Variants in CCSER2 observed in about 807,000 individuals in gnomAD.
The protein encoded by CCSER2 is coiled-coil serine rich protein 2, also known as serine-rich coiled-coil domain-containing protein 2.
Under a neutral mutation model 92.3 loss-of-function variants are expected in CCSER2, and 46 were observed. That is an observed-to-expected ratio of 0.50 (90% confidence interval 0.39 to 0.64). The LOEUF (loss-of-function observed/expected upper bound fraction) is 0.64, where lower values mean the gene tolerates loss of function less well. CCSER2 is among the 30% of genes least tolerant of loss of function. The pLI is 0.00. For missense variants in CCSER2, 1,244 were observed against 1,238.9 expected, an observed-to-expected ratio of 1.00 and a Z score of -0.06; for synonymous variants, 433 against 431.4, an observed-to-expected ratio of 1.00 and a Z score of -0.04.
intron 5 of CCSER2, 39 bp downstream of exon 5, chr10:84,425,932 CTGAT>C: frequency 7.3e-7 from 1 of 1,361,280 alleles, no homozygotes; most frequent in Non-Finnish European, 9.8e-7. Context: ...TTGCTGTCCT[CTGAT>C]TTTGAATTAT....
At chr10:84,352,317 C>CAAACAAACAA (rs78015613) in intron 1 of CCSER2, among the ~76,000 whole-genome samples, 1,820 of 151,634 alleles carry the variant, frequency 0.012, 31 homozygotes, top group African/African-American at 0.041. Context: ...AAAACAAAAA[C>CAAACAAACAA]AAAATAGGTG....
At chr10:84,497,372 G>T (rs752298133) in intron 9 of CCSER2, among the ~76,000 whole-genome samples, 5 of 152,254 alleles carry the variant, frequency 3.3e-5, no homozygotes, top group Non-Finnish European at 7.3e-5. Flanking sequence ...ACAACTGTTT[G>T]ATAGGCTAAT....
chr10:84,475,770 T>C (rs1847101220), intron 8 of CCSER2, among the ~76,000 whole-genome samples: 1 of 152,204 alleles, frequency 6.6e-6, no homozygotes. Context: ...CCCTCATATA[T>C]GTTAAAAGTT....
chr10:84,419,832 C>A (rs1490683129), intron 4 of CCSER2, among the ~76,000 whole-genome samples: 1 of 152,184 alleles, frequency 6.6e-6, no homozygotes, highest in Non-Finnish European at 1.5e-5. Flanking sequence ...GACTTCCCAA[C>A]AGAACAGTTT....
At chr10:84,376,235 T>C (rs1846331492) in intron 3 of CCSER2, among the ~76,000 whole-genome samples, 1 of 152,172 alleles carries the variant, frequency 6.6e-6, no homozygotes, top group Admixed American at 6.5e-5. Flanking sequence ...ACCAGTATTA[T>C]GCAGAGGTCT....
chr10:84,470,410 C>T lies in CCSER2; in HGVS notation c.2187C>T (p.Asp729=), dbSNP rs770608395. ...TAAATGAAATAAAACAACTTAAAGACGAAATAAAGAAAAAAGATGAAAAGA... is the reference window on the plus strand; with the variant it reads ...TAAATGAAATAAAACAACTTAAAGATGAAATAAAGAAAAAAGATGAAAAGA... ...DLLNEIKQLK[D]EIKKKDEKIQ... Residue 729 remains aspartate (D), a synonymous_variant, in exon 8 of 10, where the codon GAC becomes GAT. Transcript: ENST00000372088. The T allele has an allele frequency of 3.1e-5, 43 of 1,382,092 alleles. No homozygotes were observed. Among genetic ancestry groups the T allele is most frequent in the Middle Eastern group, 1.9e-4 (1 of 5,294 alleles). The allele number at this position is 1,382,092 out of a possible 1,614,324, so 85.6% of individuals were successfully genotyped here.
chr10:84,384,140 A>G (rs1054278384), intron 3 of CCSER2, among the ~76,000 whole-genome samples: 1 of 152,190 alleles, frequency 6.6e-6, no homozygotes, highest in Non-Finnish European at 1.5e-5. Flanking sequence ...TAAAAAAACT[A>G]CCAACTAAAA....
intron 1 of CCSER2, among the ~76,000 whole-genome samples, chr10:84,356,197 G>A (rs987280793): frequency 2.0e-5 from 3 of 151,436 alleles, no homozygotes; most frequent in African/African-American, 7.3e-5. Context: ...GTTGAGTTCT[G>A]TTAGTCCTAA....
At chr10:84,455,659 G>A (rs1320865274) in intron 6 of CCSER2, 7 of 686,976 alleles carry the variant, frequency 1.0e-5, no homozygotes, top group African/African-American at 3.5e-5. Context: ...TGAGTTTCAG[G>A]AGATTGTTCA....
At chr10:84,420,442 A>G (rs1843083297) in intron 4 of CCSER2, among the ~76,000 whole-genome samples, 1 of 152,218 alleles carries the variant, frequency 6.6e-6, no homozygotes, top group Admixed American at 6.5e-5. Flanking sequence ...TTGGTACTAT[A>G]GGAAAGTGGG....
intron 3 of CCSER2, among the ~76,000 whole-genome samples, chr10:84,381,701 GT>G (rs1171754041): frequency 6.6e-6 from 1 of 152,028 alleles, no homozygotes; most frequent in East Asian, 1.9e-4. Flanking sequence ...GCTGAGGCAG[GT>G]GGATCACCTG....
chr10:84,334,273 A>G (rs1328808979), intron 1 of CCSER2, among the ~76,000 whole-genome samples: 1 of 152,148 alleles, frequency 6.6e-6, no homozygotes, highest in African/African-American at 2.4e-5. Flanking sequence ...TTCTCTGAGT[A>G]TCTGATGGCT....
At chr10:84,388,432 C>T (rs1488128613) in intron 3 of CCSER2, among the ~76,000 whole-genome samples, 1 of 152,152 alleles carries the variant, frequency 6.6e-6, no homozygotes, top group Non-Finnish European at 1.5e-5. Context: ...CACATTCATT[C>T]ATACTCATGA....
intron 6 of CCSER2, among the ~76,000 whole-genome samples, chr10:84,452,742 A>G (rs1351973003): frequency 6.6e-6 from 1 of 152,208 alleles, no homozygotes; most frequent in Non-Finnish European, 1.5e-5. Flanking sequence ...TTTAGTATGT[A>G]TAATGTGAAA....
intron 6 of CCSER2, among the ~76,000 whole-genome samples, chr10:84,461,390 G>A (rs1846089971): frequency 6.6e-6 from 1 of 151,940 alleles, no homozygotes; most frequent in Admixed American, 6.6e-5. Context: ...TATTTTTTCT[G>A]CCCACCCCTA....
chr10:84,517,594 G>A lies in CCSER2; in HGVS notation c.*3327G>A, dbSNP rs1306706729. The A allele has an allele frequency of 1.3e-5, 2 of 152,594 alleles. No individual in the cohort carries two copies. Among genetic ancestry groups the A allele is most frequent in the Admixed American group, 1.3e-4 (2 of 15,276 alleles). 9.5% of individuals were successfully genotyped at this position (152,594 alleles called of 1,614,324 possible). On this transcript the variant is annotated 3_prime_UTR_variant, in exon 10 of 10. Coordinates refer to ENST00000372088, the MANE Select transcript of CCSER2 (RefSeq NM_001284240.2). ...ATCGAATTGCCTCCTATTGGGTGTG[G>A]CTTTGTTGAAATAAATTTGTAATTG... is the stretch of plus-strand genomic sequence containing the variant.
chr10:84,380,946 C>T (rs918854135), intron 3 of CCSER2, among the ~76,000 whole-genome samples: 6 of 152,232 alleles, frequency 3.9e-5, no homozygotes, highest in African/African-American at 1.4e-4. Context: ...CTGCCCACCT[C>T]GGCCTCCCAA....
At chr10:84,391,856 T>A in intron 3 of CCSER2, 2 of 1,478,340 alleles carry the variant, frequency 1.4e-6, no homozygotes, top group Non-Finnish European at 1.9e-6. Flanking sequence ...CCCAGTAGTG[T>A]AATCCAAGAT....
At chr10:84,508,104 T>C (rs190253933) in intron 9 of CCSER2, among the ~76,000 whole-genome samples, 39 of 152,334 alleles carry the variant, frequency 2.6e-4, no homozygotes, top group Admixed American at 2.5e-3. Flanking sequence ...TTTTAAGAAA[T>C]TATCTGATGG....
Sources: gnomAD v4.1 joint callset for allele counts (sites outside exome capture counted in the v4.1 genomes callset) on GRCh38, gnomAD v4.1.1 for gene constraint, MANE v1.5 for transcripts, NCBI Gene and HGNC (gene_info 2026-07-23, HGNC 2026-07-21) for gene names.